The following LAMP3 variants were observed in gnomAD, a reference collection of about 807,000 sequenced individuals.
The protein encoded by LAMP3 is lysosome-associated membrane glycoprotein 3.
A neutral mutation model predicts 34.8 loss-of-function variants in LAMP3; 26 were observed. That is an observed-to-expected ratio of 0.75 (90% confidence interval 0.55 to 1.04). The LOEUF (loss-of-function observed/expected upper bound fraction) is 1.04. Among genes scored for constraint, LAMP3 ranks in the 50% least tolerant of loss-of-function variants. The probability of loss-of-function intolerance (pLI) is 0.00; values close to 1 mark genes in which losing one functional copy is unlikely to be tolerated. For missense variants in LAMP3, 495 were observed against 524.0 expected (o/e 0.94, Z 0.54); for synonymous variants, 180 against 201.9 (o/e 0.89, Z 0.92).
chr3:183,143,383 G>A (rs1720345389), intron 3 of LAMP3, among the ~76,000 whole-genome samples: 1 of 152,224 alleles, frequency 6.6e-6, no homozygotes, highest in Non-Finnish European at 1.5e-5. Flanking sequence ...AAGGTGTTGG[G>A]TTGACAAGGA....
upstream of LAMP3, among the ~76,000 whole-genome samples, chr3:183,163,436 G>T (rs900885184): frequency 8.0e-5 from 12 of 150,008 alleles, no homozygotes; most frequent in African/African-American, 3.0e-4. Context: ...GGTTACAGGC[G>T]CCCGCCACCA....
chr3:183,127,226 C>T (rs530157609), intron 5 of LAMP3, among the ~76,000 whole-genome samples: 19 of 152,258 alleles, frequency 1.2e-4, no homozygotes, highest in African/African-American at 3.9e-4. Flanking sequence ...CCTCCAGCTC[C>T]TGAGGTCAGC....
At chr3:183,143,056 C>A (rs562266168) in intron 3 of LAMP3, among the ~76,000 whole-genome samples, 1 of 152,302 alleles carries the variant, frequency 6.6e-6, no homozygotes, top group Non-Finnish European at 1.5e-5. Context: ...ACTCAGAATT[C>A]TTTCCATTTT....
intron 5 of LAMP3, chr3:183,132,608 C>G (rs1035035245): frequency 7.0e-5 from 69 of 985,394 alleles, no homozygotes; most frequent in Middle Eastern, 1.0e-3. Context: ...TCAAGCACAC[C>G]TGGCATGGCC....
At chr3:183,129,253 G>C (rs1719853296) in intron 5 of LAMP3, among the ~76,000 whole-genome samples, 1 of 152,128 alleles carries the variant, frequency 6.6e-6, no homozygotes, top group South Asian at 2.1e-4. Flanking sequence ...TTTATAGCTT[G>C]TTTCCAATAT....
intron 3 of LAMP3, among the ~76,000 whole-genome samples, chr3:183,147,870 C>A (rs1720493634): frequency 6.6e-6 from 1 of 152,046 alleles, no homozygotes; most frequent in African/African-American, 2.4e-5. Context: ...GTACACGTCA[C>A]CATGGCTAGC....
At position 183,135,744 on chromosome 3, in the gene LAMP3, CA is replaced by C; in HGVS notation, c.1089del (p.Phe363LeufsTer24). The C allele has an allele frequency of 6.2e-7, 1 of 1,614,190 alleles. No homozygotes were observed. Among genetic ancestry groups the C allele is most frequent in the Non-Finnish European group, 8.5e-7 (1 of 1,180,030 alleles). On this transcript the variant is annotated frameshift_variant, in exon 5 of 6. Coordinates refer to ENST00000265598, the MANE Select transcript of LAMP3 (RefSeq NM_014398.4). LOFTEE classifies it high-confidence loss of function. ...TTTCCAAAGTGGTCATCTTCAAAAT[CA>C]AAGGCTTGAAGTTGGACATCGGTTG... The part of the protein sequence containing the change: ...VKTTDVQLQA[F>X]DFEDDHFGNV...
intron 4 of LAMP3, among the ~76,000 whole-genome samples, chr3:183,139,014 C>G (rs760617333): frequency 6.6e-6 from 1 of 152,150 alleles, no homozygotes; most frequent in Admixed American, 6.6e-5. Flanking sequence ...GGGCCTTTCT[C>G]CCCTGAAGGC....
At chr3:183,162,738 G>A (rs1721017214), upstream of LAMP3, 3 of 1,303,884 alleles carry the variant, frequency 2.3e-6, no homozygotes, top group Non-Finnish European at 3.0e-6. Flanking sequence ...TACCTGTGCC[G>A]GAGAAACGAA....
chr3:183,127,103 A>G (rs1174593629), intron 5 of LAMP3, among the ~76,000 whole-genome samples: 3 of 152,148 alleles, frequency 2.0e-5, no homozygotes, highest in African/African-American at 7.2e-5. Flanking sequence ...AGTAGCACTA[A>G]CAGAGTCCCT....
intron 2 of LAMP3, 108 bp from the exon 3 acceptor site, chr3:183,152,611 C>T (rs1720675859): frequency 1.1e-5 from 11 of 982,362 alleles, no homozygotes; most frequent in South Asian, 3.8e-5. Context: ...GCTGAGGATT[C>T]GCTGGAGAAC....
chr3:183,136,667 A>AC (rs369639067), intron 4 of LAMP3, among the ~76,000 whole-genome samples: 10,316 of 148,420 alleles, frequency 0.07, 1,378 homozygotes, highest in African/African-American at 0.25. Context: ...AAAAAAAAAA[A>AC]AAACAACTCA....
intron 4 of LAMP3, among the ~76,000 whole-genome samples, chr3:183,138,704 T>C (rs1560307236): frequency 3.9e-5 from 6 of 152,186 alleles, no homozygotes. Context: ...GGTATCATTT[T>C]CTTCTCTCCC....
chr3:183,149,574 A>AATAT (rs765127504), intron 3 of LAMP3, among the ~76,000 whole-genome samples: 24 of 32,616 alleles, frequency 7.4e-4, no homozygotes, highest in African/African-American at 7.5e-4. Context: ...AAAAAAAAAA[A>AATAT]ATATATATAT....
At chr3:183,135,353 C>T (rs1303520837) in intron 5 of LAMP3, among the ~76,000 whole-genome samples, 1 of 152,202 alleles carries the variant, frequency 6.6e-6, no homozygotes, top group Non-Finnish European at 1.5e-5. Context: ...TCAGACATTA[C>T]TGATACTCAG....
At position 183,122,441 on chromosome 3, in the gene LAMP3, A is replaced by C. The variant is rs1160638389; in HGVS notation, c.*1640T>G. The C allele has an allele frequency of 6.6e-6, 1 of 152,234 alleles. No individual in the cohort carries two copies. Among genetic ancestry groups the C allele is most frequent in the East Asian group, 1.9e-4 (1 of 5,204 alleles). The allele number at this position is 152,234 out of a possible 1,614,324, so 9.4% of individuals were successfully genotyped here. A position where few individuals can be genotyped will look rare whatever the true frequency, so the allele number is the denominator to read the frequency against. ...TTTCTTTAGCAGCAAAAAAAACAGC[A>C]GAAATAAAATTCTTGGCAGGCTGCT... On this transcript the variant is annotated 3_prime_UTR_variant, in exon 6 of 6. Transcript: ENST00000265598.
intron 3 of LAMP3, among the ~76,000 whole-genome samples, chr3:183,143,692 T>C (rs973619598): frequency 6.6e-6 from 1 of 152,060 alleles, no homozygotes; most frequent in African/African-American, 2.4e-5. Context: ...CCCTATTAAG[T>C]GTCTCTTTCC....
intron 5 of LAMP3, among the ~76,000 whole-genome samples, chr3:183,127,529 T>C (rs555191854): frequency 2.6e-5 from 4 of 152,320 alleles, no homozygotes; most frequent in African/African-American, 9.6e-5. Context: ...TTCTCATAGA[T>C]GGAAAATTAA....
intron 5 of LAMP3, chr3:183,132,674 C>G: frequency 1.0e-6 from 1 of 985,388 alleles, no homozygotes. Flanking sequence ...ACTGCGGTAG[C>G]CCTTTGGTGG....
Sources: gnomAD v4.1 joint callset for allele counts (sites outside exome capture counted in the v4.1 genomes callset) on GRCh38, gnomAD v4.1.1 for gene constraint, MANE v1.5 for transcripts, NCBI Gene and HGNC (gene_info 2026-07-23, HGNC 2026-07-21) for gene names.